The following ZNF581 variants were observed in gnomAD, a reference collection of about 807,000 sequenced individuals.
ZNF581 encodes zinc finger protein 581.
ZNF581 carries 1 observed loss-of-function variant against 1.2 expected under a neutral mutation model. The observed-to-expected ratio is 0.83, with a 90% CI of 0.30 to 3.95. The LOEUF (loss-of-function observed/expected upper bound fraction) is 3.95. Ranked by LOEUF, ZNF581 falls within the 30% of genes most tolerant of loss-of-function variation. The probability of loss-of-function intolerance (pLI) is 0.18; values close to 1 mark genes in which losing one functional copy is unlikely to be tolerated. For missense variants in ZNF581, 273 were observed against 274.6 expected (o/e 0.99, Z 0.04); for synonymous variants, 105 against 109.2 (o/e 0.96, Z 0.24).
At chr19:55,643,263 T>G, upstream of ZNF581, 1 of 540,186 alleles carries the variant, frequency 1.9e-6, no homozygotes, top group Non-Finnish European at 2.9e-6. Flanking sequence ...CAGTCGGAAC[T>G]GGGTTCCAGT....
chr19:55,642,187 T>A, upstream of ZNF581: 1 of 1,111,354 alleles, frequency 9.0e-7, no homozygotes, highest in East Asian at 5.1e-5. Context: ...CTGGGGTGGG[T>A]TGAGAGGAGA....
At chr19:55,642,591 C>T (rs770026235), upstream of ZNF581, 4 of 1,452,052 alleles carry the variant, frequency 2.8e-6, no homozygotes, top group Admixed American at 5.4e-5. Context: ...AAGGCTCCCC[C>T]TTTCCCCAAG....
upstream of ZNF581, among the ~76,000 whole-genome samples, chr19:55,636,094 G>A (rs907591476): frequency 6.6e-6 from 1 of 152,216 alleles, no homozygotes; most frequent in Non-Finnish European, 1.5e-5. Context: ...ATTCTAGGCT[G>A]AGAAACTCGG....
At chr19:55,640,702 G>C (rs991422164), upstream of ZNF581, 10 of 985,472 alleles carry the variant, frequency 1.0e-5, no homozygotes, top group Non-Finnish European at 4.8e-6. Context: ...CCTCTACCTC[G>C]GTGGGTGGCC....
upstream of ZNF581, among the ~76,000 whole-genome samples, chr19:55,636,287 G>A (rs1305859048): frequency 6.6e-6 from 1 of 152,146 alleles, no homozygotes; most frequent in Non-Finnish European, 1.5e-5. Flanking sequence ...TTGGAGAACG[G>A]AGGTCAGTGC....
At chr19:55,642,489 G>T, upstream of ZNF581, 1 of 1,421,352 alleles carries the variant, frequency 7.0e-7, no homozygotes. Context: ...CCCCTCCGCC[G>T]CTCCCAGCTG....
rs1394532441 is a variant in ZNF581 at position 55,645,238 on chromosome 19, A to C, written c.*73A>C. 1 of 1,353,690 alleles carries C rather than the reference A, an allele frequency of 7.4e-7. No individual in the cohort carries two copies. The allele number at this position is 1,353,690 out of a possible 1,614,324, so 83.9% of individuals were successfully genotyped here. ...TGGACTCCTGTCCAGACACCTGGTG[A>C]GAGCCTGAGGCTGGTGTTCAGGGCC... On this transcript the variant is annotated 3_prime_UTR_variant, in exon 2 of 2. Transcript: ENST00000270451.
upstream of ZNF581, among the ~76,000 whole-genome samples, chr19:55,637,642 G>A (rs1982172608): frequency 6.6e-6 from 1 of 152,196 alleles, no homozygotes; most frequent in Non-Finnish European, 1.5e-5. Context: ...TTTGCGCTGG[G>A]GTGGCAGCGG....
At chr19:55,638,989 G>C (rs1982262307), upstream of ZNF581, among the ~76,000 whole-genome samples, 2 of 109,474 alleles carry the variant, frequency 1.8e-5, no homozygotes, top group Admixed American at 1.4e-4. Context: ...CTGGGCAACA[G>C]AGCAAGACTC....
Position 55,644,178 on chromosome 19 carries a change from C to G in ZNF581, c.-19-375C>G, listed in dbSNP as rs752754072. Among the ~76,000 whole-genome samples the G allele has an allele frequency of 6.6e-6, 1 of 151,610 alleles. No homozygotes were observed. Among genetic ancestry groups the G allele is most frequent in the Non-Finnish European group, 1.5e-5 (1 of 67,942 alleles). Reference sequence around the variant, plus strand: ...CTTGAGTATGTAGCATAGGCCAACACGCAGACCCTGGAAAGGGCTAGAAGG... The same window carrying G: ...CTTGAGTATGTAGCATAGGCCAACAGGCAGACCCTGGAAAGGGCTAGAAGG... On this transcript the variant is annotated intron_variant, in intron 1 of 1. Transcript: ENST00000270451. This position sits in a 1 kb window ranked among gnomAD's most constrained non-coding sequence, Gnocchi z 4.3.
rs2123635269 is a variant in ZNF581, at chr19:55,644,418, G to A, written c.-19-135G>A. 3.2e-6 allele frequency: 2 copies of A among 627,692 alleles called. No homozygotes were observed. The highest frequency in any genetic ancestry group is 2.0e-5 in the South Asian group (1 of 49,522). 38.9% of individuals were successfully genotyped at this position (627,692 alleles called of 1,614,324 possible). A position where few individuals can be genotyped will look rare whatever the true frequency, so the allele number is the denominator to read the frequency against. ...GGCCACAGACTCCAGCTGTGAGCGGGACTGGAAAAGAGGGACTGAGGGGCA... is the reference window on the plus strand; with the variant it reads ...GGCCACAGACTCCAGCTGTGAGCGGAACTGGAAAAGAGGGACTGAGGGGCA... On this transcript the variant is annotated intron_variant, in intron 1 of 1. Coordinates refer to ENST00000270451, the MANE Select transcript of ZNF581 (RefSeq NM_016535.4). This position sits in a 1 kb window ranked among gnomAD's most constrained non-coding sequence, Gnocchi z 4.3.
At chr19:55,641,224 C>G (rs1348631956), upstream of ZNF581, 1 of 974,730 alleles carries the variant, frequency 1.0e-6, no homozygotes, top group Non-Finnish European at 1.2e-6. Flanking sequence ...GGCCCTGGGA[C>G]GACGCCGGGG....
At chr19:55,638,437 C>T (rs1209565506), upstream of ZNF581, among the ~76,000 whole-genome samples, 1 of 152,096 alleles carries the variant, frequency 6.6e-6, no homozygotes, top group East Asian at 1.9e-4. Context: ...CCAGGTTACA[C>T]CGTGTTGGCC....
upstream of ZNF581, chr19:55,642,579 C>T (rs371800796): frequency 6.9e-7 from 1 of 1,450,628 alleles, no homozygotes; most frequent in Non-Finnish European, 9.1e-7. Context: ...CCACCGCCCC[C>T]CAAGGCTCCC....
At chr19:55,642,922 TCGCGCCA>T, upstream of ZNF581, 1 of 1,508,204 alleles carries the variant, frequency 6.6e-7, no homozygotes, top group Non-Finnish European at 8.8e-7. Flanking sequence ...TGTCGCGGCA[TCGCGCCA>T]CGCACCGCGC....
upstream of ZNF581, among the ~76,000 whole-genome samples, chr19:55,641,351 G>A (rs1048892865): frequency 3.3e-5 from 5 of 152,330 alleles, no homozygotes; most frequent in East Asian, 9.7e-4. Context: ...CCTTGGGGAA[G>A]TGAAGGCAAT....
At chr19:55,643,142 C>T (rs1982636921), upstream of ZNF581, 1 of 1,191,398 alleles carries the variant, frequency 8.4e-7, no homozygotes, top group East Asian at 3.4e-5. Flanking sequence ...CTGCCTTACC[C>T]TGGGCCTCAG....
chr19:55,643,619 C>A (rs1302269781), upstream of ZNF581: 1 of 152,554 alleles, frequency 6.6e-6, no homozygotes, highest in Non-Finnish European at 1.5e-5. Flanking sequence ...ACCTTCCTTC[C>A]CTAGACCCTC....
Position 55,644,534 on chromosome 19 carries a change from C to T in ZNF581, c.-19-19C>T, listed in dbSNP as rs1362835972. 6 of 1,473,286 alleles carry T rather than the reference C, an allele frequency of 4.1e-6. No individual in the cohort carries two copies. Among genetic ancestry groups the T allele is most frequent in the Admixed American group, 2.0e-5 (1 of 49,560 alleles). 91.3% of individuals were successfully genotyped at this position (1,473,286 alleles called of 1,614,324 possible). A position where few individuals can be genotyped will look rare whatever the true frequency, so the allele number is the denominator to read the frequency against. On this transcript the variant is annotated intron_variant, in intron 1 of 1. Transcript: ENST00000270451. This position sits in a 1 kb window ranked among gnomAD's most constrained non-coding sequence, Gnocchi z 4.3. The stretch of plus-strand genomic sequence containing the variant: ...GCCCTCTTCTATATAACCTTCTTAT[C>T]CCATCTCCCATCCACCAGGCCTCAG...
Sources: gnomAD v4.1 joint callset for allele counts (sites outside exome capture counted in the v4.1 genomes callset) on GRCh38, gnomAD v4.1.1 for gene constraint, Gnocchi (gnomAD v3.1) non-coding constraint, MANE v1.5 for transcripts, NCBI Gene and HGNC (gene_info 2026-07-23, HGNC 2026-07-21) for gene names.